Variants in ABCD3 observed in about 807,000 individuals in gnomAD.
The protein encoded by ABCD3 is ATP-binding cassette sub-family D member 3.
In ABCD3, 41 loss-of-function variants were observed where a neutral mutation model predicts 105.5. That is an observed-to-expected ratio of 0.39 (90% CI 0.30 to 0.50). ABCD3 has a LOEUF of 0.50. ABCD3 is among the 20% of genes least tolerant of loss of function. The probability of loss-of-function intolerance (pLI) is 0.84; values close to 1 mark genes in which losing one functional copy is unlikely to be tolerated. For synonymous variants in ABCD3, 258 were observed against 269.0 expected, an observed-to-expected ratio of 0.96 and a Z score of 0.40; for missense variants, 622 against 806.3, an observed-to-expected ratio of 0.77 and a Z score of 2.77.
chr1:94,415,061 AG>A (rs1658973213), upstream of ABCD3, among the ~76,000 whole-genome samples: 3 of 152,248 alleles, frequency 2.0e-5, no homozygotes, highest in East Asian at 5.8e-4. Flanking sequence ...GTTCCTCTCC[AG>A]GGCACTTTGA....
intron 1 of ABCD3, among the ~76,000 whole-genome samples, chr1:94,448,181 G>T (rs1451238515): frequency 1.3e-5 from 2 of 152,060 alleles, no homozygotes; most frequent in African/African-American, 2.4e-5. Flanking sequence ...TCCTTATTTG[G>T]ATCAAATTGC....
chr1:94,413,904 A>AG (rs747356331), upstream of ABCD3, among the ~76,000 whole-genome samples: 2 of 151,982 alleles, frequency 1.3e-5, no homozygotes, highest in Admixed American at 1.3e-4. Context: ...TGAAGGGGTT[A>AG]GGGGGGACTG....
intron 1 of ABCD3, among the ~76,000 whole-genome samples, chr1:94,436,708 A>G (rs1659916692): frequency 6.6e-6 from 1 of 152,164 alleles, no homozygotes; most frequent in South Asian, 2.1e-4. Flanking sequence ...AAACTTTTTC[A>G]TTTATCATAT....
intron 4 of ABCD3, chr1:94,472,303 G>A: frequency 1.2e-6 from 1 of 802,548 alleles, no homozygotes; most frequent in African/African-American, 1.9e-5. Context: ...CAGCACTAAA[G>A]CACTTTGGTT....
rs61772844 is a variant in ABCD3, at chr1:94,423,746, C to G, written c.110+5158C>G. On this transcript the variant is annotated intron_variant, in intron 1 of 22. Transcript: ENST00000370214. Reference sequence around the variant, plus strand: ...TTTTTTTTTGTCCTGAGTCTCAGCCCTGTTGCCTGCTGCTGGGCCTTTCTT... The same window carrying G: ...TTTTTTTTTGTCCTGAGTCTCAGCCGTGTTGCCTGCTGCTGGGCCTTTCTT... 8.1e-3 allele frequency among the ~76,000 whole-genome samples: 1,229 copies of G among 152,190 alleles called. 8 individuals carry two copies. Among genetic ancestry groups the G allele is most frequent in the Middle Eastern group, 0.02 (6 of 294 alleles).
At chr1:94,480,986 C>T (rs1305203616) in intron 9 of ABCD3, among the ~76,000 whole-genome samples, 5 of 152,170 alleles carry the variant, frequency 3.3e-5, no homozygotes, top group Admixed American at 6.6e-5. Context: ...GATTCACTGT[C>T]ACTGCATGTG....
chr1:94,508,928 C>T (rs1198926472), intron 21 of ABCD3, among the ~76,000 whole-genome samples: 1 of 152,184 alleles, frequency 6.6e-6, no homozygotes, highest in East Asian at 1.9e-4. Context: ...ATGTCATCTG[C>T]AAACAGGGAC....
chr1:94,496,791 G>A (rs546431672), intron 16 of ABCD3, among the ~76,000 whole-genome samples: 269 of 131,656 alleles, frequency 2.0e-3, no homozygotes, highest in Middle Eastern at 4.5e-3. Flanking sequence ...TTTTTGAGAC[G>A]GAGCCTTGCT....
At chr1:94,515,257 G>A (rs1207061808) in intron 22 of ABCD3, 55 bp downstream of exon 22, 1 of 1,373,610 alleles carries the variant, frequency 7.3e-7, no homozygotes, top group Non-Finnish European at 1.0e-6. Flanking sequence ...TTTAAAATAT[G>A]AATTCAGGTT....
chr1:94,483,872 GAAATTT>G, intron 10 of ABCD3, among the ~76,000 whole-genome samples: 1 of 152,064 alleles, frequency 6.6e-6, no homozygotes, highest in African/African-American at 2.4e-5. Context: ...CAGAATGGGA[GAAATTT>G]TTTGCAATCT....
intron 1 of ABCD3, among the ~76,000 whole-genome samples, chr1:94,430,274 T>TTC (rs397697259): frequency 9.7e-5 from 6 of 61,696 alleles, no homozygotes; most frequent in Non-Finnish European, 2.7e-4. Flanking sequence ...CAGATGAGAC[T>TTC]GGACTGTGGA....
intron 1 of ABCD3, among the ~76,000 whole-genome samples, chr1:94,453,866 C>T (rs1647395058): frequency 6.7e-6 from 1 of 148,966 alleles, no homozygotes; most frequent in Non-Finnish European, 1.5e-5. Context: ...TTAGATTCTG[C>T]TTGGGTGGTT....
chr1:94,418,928 C>CGT, intron 1 of ABCD3: 1 of 380,384 alleles, frequency 2.6e-6, no homozygotes, highest in Middle Eastern at 7.7e-4. Context: ...CCCTACATCA[C>CGT]CCCCTTCTGT....
intron 21 of ABCD3, among the ~76,000 whole-genome samples, chr1:94,510,645 C>A (rs1014175705): frequency 6.6e-6 from 1 of 151,932 alleles, no homozygotes; most frequent in Non-Finnish European, 1.5e-5. Context: ...GTAGGTCGCT[C>A]AGGACTTGCT....
chr1:94,497,430 G>A (rs1386977101), intron 16 of ABCD3, among the ~76,000 whole-genome samples: 2 of 152,162 alleles, frequency 1.3e-5, no homozygotes, highest in Admixed American at 6.5e-5. Flanking sequence ...TTACCAGCTA[G>A]GGTAACTCAT....
intron 7 of ABCD3, 119 bp from the exon 8 acceptor site, chr1:94,478,140 T>G: frequency 1.5e-6 from 1 of 677,814 alleles, no homozygotes. Flanking sequence ...TAGTGGGACC[T>G]CTACATGTTG....
chr1:94,418,126 A>G (rs1216439615), upstream of ABCD3, among the ~76,000 whole-genome samples: 2 of 152,136 alleles, frequency 1.3e-5, no homozygotes, highest in South Asian at 2.1e-4. Context: ...GTGCGCGCGA[A>G]GAGTGGGAGG....
At chr1:94,513,252 C>T (rs1020898921) in intron 21 of ABCD3, among the ~76,000 whole-genome samples, 33 of 151,996 alleles carry the variant, frequency 2.2e-4, no homozygotes, top group African/African-American at 7.7e-4. Flanking sequence ...ATGGTATTCT[C>T]ATGTACATAA....
At chr1:94,402,029 A>AC in the ABCD3 span, among the ~76,000 whole-genome samples, 1 of 152,172 alleles carries the variant, frequency 6.6e-6, no homozygotes, top group African/African-American at 2.4e-5. Flanking sequence ...CTGTTCTCGC[A>AC]TTTGTATTCA....
Sources: allele counts gnomAD v4.1 joint callset (sites outside exome capture counted in the v4.1 genomes callset), GRCh38; gene constraint gnomAD v4.1.1; transcripts MANE v1.5; gene names NCBI Gene and HGNC (gene_info 2026-07-23, HGNC 2026-07-21).